CHST8: variants seen among roughly 807,000 people sequenced by gnomAD.
CHST8 encodes the protein carbohydrate sulfotransferase 8, also known as GALNAC-4-ST1.
A neutral mutation model predicts 15.0 loss-of-function variants in CHST8; 10 were observed. That is an observed-to-expected ratio of 0.67 (90% CI 0.41 to 1.13). The LOEUF (loss-of-function observed/expected upper bound fraction) is 1.13, where lower values mean the gene tolerates loss of function less well. CHST8 is among the 50% of genes most tolerant of loss of function. The probability of loss-of-function intolerance (pLI) is 0.00; values close to 1 mark genes in which losing one functional copy is unlikely to be tolerated. For synonymous variants in CHST8, 259 were observed against 256.6 expected, an observed-to-expected ratio of 1.01 and a Z score of -0.09; for missense variants, 634 against 608.2, an observed-to-expected ratio of 1.04 and a Z score of -0.45.
At chr19:33,771,921 T>C (rs756107160) in intron 4 of CHST8, 36 bp from the exon 5 acceptor site, 435 of 1,525,542 alleles carry the variant, frequency 2.9e-4, no homozygotes, top group Non-Finnish European at 3.7e-4. Context: ...CCAGCTGTCC[T>C]TTCCACTCAG....
intron 4 of CHST8, 114 bp from the exon 5 acceptor site, chr19:33,771,843 T>C (rs1284846986): frequency 1.6e-6 from 2 of 1,280,746 alleles, no homozygotes; most frequent in Non-Finnish European, 2.2e-6. Flanking sequence ...AGTCAGCCTG[T>C]CTCCCTCACC....
At chr19:33,710,045 T>C (rs1037193624) in intron 3 of CHST8, among the ~76,000 whole-genome samples, 2 of 152,226 alleles carry the variant, frequency 1.3e-5, no homozygotes, top group African/African-American at 4.8e-5. Flanking sequence ...CTATTTCTTC[T>C]TGAGTCAGCT....
rs1338631434 is a variant in CHST8, at chr19:33,622,091, C to G, written c.-369C>G. 1.3e-5 allele frequency: 2 copies of G among 152,252 alleles called. No homozygotes were observed. Among genetic ancestry groups the G allele is most frequent in the Non-Finnish European group, 2.9e-5 (2 of 68,144 alleles). 9.4% of individuals were successfully genotyped at this position (152,252 alleles called of 1,614,324 possible). A position where few individuals can be genotyped will look rare whatever the true frequency, so the allele number is the denominator to read the frequency against. On this transcript the variant is annotated 5_prime_UTR_variant, in exon 1 of 5. Transcript: ENST00000650847. Reference sequence around the variant, plus strand: ...GAAGAGGAACGCCGCCCCGCGCCCTCTCGCTCCCCGCACGCTCCGGCTGCC... The same window carrying G: ...GAAGAGGAACGCCGCCCCGCGCCCTGTCGCTCCCCGCACGCTCCGGCTGCC...
chr19:33,706,503 G>A (rs745686023), intron 3 of CHST8, among the ~76,000 whole-genome samples: 2 of 152,144 alleles, frequency 1.3e-5, no homozygotes, highest in African/African-American at 2.4e-5. Context: ...TGCTGTGAGC[G>A]TACCCTGACA....
intron 1 of CHST8, among the ~76,000 whole-genome samples, chr19:33,623,200 G>A (rs1413581666): frequency 6.6e-6 from 1 of 152,224 alleles, no homozygotes; most frequent in African/African-American, 2.4e-5. Context: ...ACCCGGAGTT[G>A]AAGCGGCTGC....
intron 3 of CHST8, among the ~76,000 whole-genome samples, chr19:33,734,014 GA>G (rs1568347434): frequency 6.6e-6 from 1 of 152,202 alleles, no homozygotes; most frequent in Non-Finnish European, 1.5e-5. Flanking sequence ...TAGGGCCTGG[GA>G]AAAAAGAGGC....
chr19:33,744,029 G>C (rs1237726429), intron 3 of CHST8, among the ~76,000 whole-genome samples: 4 of 152,080 alleles, frequency 2.6e-5, no homozygotes, highest in African/African-American at 9.7e-5. Context: ...GACCTCCGGT[G>C]ATCCACCTGC....
At chr19:33,687,389 G>A (rs1307327223) in intron 2 of CHST8, among the ~76,000 whole-genome samples, 2 of 152,218 alleles carry the variant, frequency 1.3e-5, no homozygotes, top group African/African-American at 4.8e-5. Flanking sequence ...ACTCTTTGCA[G>A]GCAAGGCAGG....
At chr19:33,650,591 G>A (rs1471149969) in intron 1 of CHST8, among the ~76,000 whole-genome samples, 1 of 122,910 alleles carries the variant, frequency 8.1e-6, no homozygotes, top group Non-Finnish European at 1.6e-5. Flanking sequence ...GAGTATAGTG[G>A]TGTGACCTTG....
At chr19:33,741,478 A>G (rs1974192857) in intron 3 of CHST8, among the ~76,000 whole-genome samples, 1 of 152,252 alleles carries the variant, frequency 6.6e-6, no homozygotes, top group African/African-American at 2.4e-5. Flanking sequence ...TATTTTTCAA[A>G]CCAGTGGTCA....
At chr19:33,640,964 C>T (rs991222302) in intron 1 of CHST8, among the ~76,000 whole-genome samples, 2 of 152,170 alleles carry the variant, frequency 1.3e-5, no homozygotes, top group Admixed American at 6.5e-5. Flanking sequence ...AGTCACACCC[C>T]ATCCCACCGC....
intron 3 of CHST8, among the ~76,000 whole-genome samples, chr19:33,748,928 G>A (rs552612189): frequency 1.3e-4 from 20 of 152,134 alleles, no homozygotes; most frequent in Non-Finnish European, 1.6e-4. Context: ...AGGCTCACTC[G>A]GAGGAGAGCC....
At chr19:33,682,152 G>GGTGT (rs71181375) in intron 2 of CHST8, among the ~76,000 whole-genome samples, 57 of 146,542 alleles carry the variant, frequency 3.9e-4, no homozygotes, top group Middle Eastern at 7.2e-3. Context: ...CACCGTGCCT[G>GGTGT]GTGTGTGTGT....
At chr19:33,717,069 G>T (rs75405001) in intron 3 of CHST8, among the ~76,000 whole-genome samples, 2,437 of 152,248 alleles carry the variant, frequency 0.016, 64 homozygotes, top group African/African-American at 0.056. Context: ...TCGAATGCCA[G>T]TGGGGCCTCA....
intron 3 of CHST8, among the ~76,000 whole-genome samples, chr19:33,731,123 C>T (rs1254662800): frequency 6.6e-6 from 1 of 152,330 alleles, no homozygotes; most frequent in South Asian, 2.1e-4. Flanking sequence ...CACCCAGGAA[C>T]AATGCTTTGC....
rs150729394 is a variant in CHST8 at position 33,649,533 on chromosome 19, T to C, written c.-163-18234T>C. Among the ~76,000 whole-genome samples, 46 of 152,278 alleles carry C rather than the reference T, an allele frequency of 3.0e-4. No individual in the cohort carries two copies. The East Asian group carries it at 5.4e-3, about 18-fold the overall frequency. On this transcript the variant is annotated intron_variant, in intron 1 of 4. Transcript: ENST00000650847. Reference sequence around the variant, plus strand: ...GAACGGGCTGGCCAAATACGCATATTCAGCAAGTTACAGGAAGAACTATGA... The same window carrying C: ...GAACGGGCTGGCCAAATACGCATATCCAGCAAGTTACAGGAAGAACTATGA...
At chr19:33,709,432 T>C (rs1371315972) in intron 3 of CHST8, among the ~76,000 whole-genome samples, 1 of 152,218 alleles carries the variant, frequency 6.6e-6, no homozygotes. Flanking sequence ...TAACCATGAA[T>C]AGGTGTTGGA....
At chr19:33,770,314 C>T (rs542147522) in intron 3 of CHST8, among the ~76,000 whole-genome samples, 13 of 152,310 alleles carry the variant, frequency 8.5e-5, no homozygotes, top group South Asian at 2.1e-4. Context: ...GGTGCCCCGG[C>T]GCGCCAGCCA....
intron 1 of CHST8, among the ~76,000 whole-genome samples, chr19:33,636,157 G>C (rs535110349): frequency 6.6e-6 from 1 of 151,750 alleles, no homozygotes; most frequent in Non-Finnish European, 1.5e-5. Flanking sequence ...GCAGATTTGA[G>C]GAATCATTCA....
Sources: allele counts gnomAD v4.1 joint callset (sites outside exome capture counted in the v4.1 genomes callset), GRCh38; gene constraint gnomAD v4.1.1; transcripts MANE v1.5; gene names NCBI Gene and HGNC (gene_info 2026-07-23, HGNC 2026-07-21).